The following XIRP2 variants were observed in gnomAD, a reference collection of about 807,000 sequenced individuals.
The protein encoded by XIRP2 is xin actin-binding repeat-containing protein 2.
A neutral mutation model predicts 277.0 loss-of-function variants in XIRP2; 236 were observed. That is an observed-to-expected ratio of 0.85 (90% CI 0.77 to 0.95). The LOEUF is 0.95. Ranked by LOEUF, XIRP2 falls within the 40% of genes least tolerant of loss-of-function variation. The pLI, the probability that XIRP2 is intolerant of heterozygous loss-of-function variation, is 0.00. For missense variants in XIRP2, 4,640 were observed against 4,157.5 expected (o/e 1.12, Z -3.19); for synonymous variants, 1,490 against 1,416.5 (o/e 1.05, Z -1.17).
intron 2 of XIRP2, among the ~76,000 whole-genome samples, chr2:167,025,501 T>G (rs560456756): frequency 2.0e-5 from 3 of 151,876 alleles, no homozygotes; most frequent in East Asian, 1.9e-4. Context: ...TGCTAGCTTT[T>G]GAATGTGTTT....
At chr2:167,101,703 A>G (rs1033116689) in intron 2 of XIRP2, among the ~76,000 whole-genome samples, 2 of 152,170 alleles carry the variant, frequency 1.3e-5, no homozygotes, top group Non-Finnish European at 2.9e-5. Flanking sequence ...TGCTTTGGCT[A>G]TGAGTGCAAA....
In XIRP2 at chr2:167,247,710, G is replaced by C. The variant is rs369948290; in HGVS notation, c.6318G>C (p.Lys2106Asn). 1 of 1,613,642 alleles carries C rather than the reference G, an allele frequency of 6.2e-7. No homozygotes were observed. The change falls in exon 9 of 11, where the codon AAG (lysine) becomes AAC (asparagine). Residue 2106 changes from lysine (K) to asparagine (N), a missense_variant. By Grantham distance (94) the Lys-to-Asn change is moderately conservative. Coordinates refer to ENST00000409195, the MANE Select transcript of XIRP2 (RefSeq NM_152381.6). ...CAGACAGGGCAGTGAGAGAGCTGAA[G>C]AAGGATGATGTCTTTAATTCCATCC... ...KESDRAVREL[K>N]KDDVFNSIQS...
chr2:167,140,814 T>G (rs1691696890), intron 3 of XIRP2: 1 of 152,206 alleles, frequency 6.6e-6, no homozygotes, highest in Non-Finnish European at 1.5e-5. Context: ...AATTAAGTGT[T>G]TCTCTTTCTT....
At chr2:166,935,863 C>G (rs1685481714) in intron 2 of XIRP2, among the ~76,000 whole-genome samples, 1 of 152,144 alleles carries the variant, frequency 6.6e-6, no homozygotes, top group South Asian at 2.1e-4. Flanking sequence ...AATAGTGCCG[C>G]AATAAACATA....
rs1381463470 is a variant in XIRP2, at chr2:167,246,363, T to C, written c.4971T>C (p.Gly1657=). The part of the protein sequence containing the change: ...FHAEKEEIVK[G]DVQQAIKNLF... ...CTGAAAAAGAAGAGATAGTGAAAGG[T>C]GATGTACAACAAGCAATAAAAAACC... The change falls in exon 9 of 11, where the codon GGT becomes GGC. Residue 1657 remains glycine, a synonymous_variant. Transcript: ENST00000409195. The C allele has an allele frequency of 2.5e-6, 4 of 1,612,998 alleles. No individual in the cohort carries two copies. The highest frequency in any genetic ancestry group is 3.4e-6 in the Non-Finnish European group (4 of 1,179,644).
chr2:167,224,958 T>G (rs1268603823), intron 5 of XIRP2, among the ~76,000 whole-genome samples: 1 of 152,162 alleles, frequency 6.6e-6, no homozygotes, highest in Non-Finnish European at 1.5e-5. Context: ...CATATGTCAT[T>G]GTGGAGTAAT....
intron 2 of XIRP2, among the ~76,000 whole-genome samples, chr2:167,106,938 T>C (rs954587886): frequency 2.0e-5 from 3 of 151,148 alleles, no homozygotes; most frequent in Non-Finnish European, 4.4e-5. Flanking sequence ...TAAATGATAT[T>C]GTATTATTAA....
At chr2:167,214,649 C>T (rs540383593) in intron 4 of XIRP2, among the ~76,000 whole-genome samples, 121 of 152,166 alleles carry the variant, frequency 8.0e-4, no homozygotes, top group African/African-American at 2.8e-3. Flanking sequence ...TCACTGCAAC[C>T]TCTGCCTCCT....
chr2:167,259,365 A>T lies in XIRP2; in HGVS notation c.*1548A>T. 6.3e-7 allele frequency: 1 copy of T among 1,596,688 alleles called. No individual in the cohort carries two copies. On this transcript the variant is annotated 3_prime_UTR_variant, in exon 11 of 11. Coordinates refer to ENST00000409195, the MANE Select transcript of XIRP2 (RefSeq NM_152381.6). ...AGGTGCTACAGTGACACTGAGTAAA[A>T]TATCTATGGCCACTGACAGTCCACA...
At chr2:166,940,780 T>C (rs543290729) in intron 2 of XIRP2, among the ~76,000 whole-genome samples, 1 of 152,242 alleles carries the variant, frequency 6.6e-6, no homozygotes, top group South Asian at 2.1e-4. Flanking sequence ...GAACAGCAAA[T>C]GTTGCTGCCT....
chr2:166,933,083 CACAT>C (rs1446626609), intron 2 of XIRP2, among the ~76,000 whole-genome samples: 6 of 151,802 alleles, frequency 4.0e-5, no homozygotes, highest in African/African-American at 1.2e-4. Context: ...CACACACACA[CACAT>C]ACACACACAC....
chr2:167,174,243 C>A (rs1252284067), intron 3 of XIRP2, among the ~76,000 whole-genome samples: 1 of 152,082 alleles, frequency 6.6e-6, no homozygotes, highest in Non-Finnish European at 1.5e-5. Context: ...CTGTCTGGTC[C>A]TGGGCTTGTT....
rs1695742484 is a variant in XIRP2 at position 167,258,720 on chromosome 2, C to T, written c.*903C>T. On this transcript the variant is annotated 3_prime_UTR_variant, in exon 11 of 11. Coordinates refer to ENST00000409195, the MANE Select transcript of XIRP2 (RefSeq NM_152381.6). ...TATCTGAATAATTGCAGGCAGAAGACATCTATTTTAGAATTTCTTGATCTA... is the reference window on the plus strand; with the variant it reads ...TATCTGAATAATTGCAGGCAGAAGATATCTATTTTAGAATTTCTTGATCTA... 3 of 1,613,210 alleles carry T rather than the reference C, an allele frequency of 1.9e-6. No individual in the cohort carries two copies. Among genetic ancestry groups the T allele is most frequent in the African/African-American group, 2.7e-5 (2 of 74,966 alleles).
intron 2 of XIRP2, among the ~76,000 whole-genome samples, chr2:166,913,444 A>T (rs566510086): frequency 6.6e-6 from 1 of 152,268 alleles, no homozygotes; most frequent in Non-Finnish European, 1.5e-5. Flanking sequence ...CCATTTGCTC[A>T]GCTGGAAATG....
In XIRP2 at chr2:167,195,591, G is replaced by A. The variant is rs200207811; in HGVS notation, c.563-15144G>A. 9.5e-4 allele frequency among the ~76,000 whole-genome samples: 144 copies of A among 152,270 alleles called. 2 individuals carry two copies. Among genetic ancestry groups the A allele is most frequent in the African/African-American group, 3.2e-3 (134 of 41,546 alleles). On this transcript the variant is annotated intron_variant, in intron 3 of 10. Coordinates refer to ENST00000409195, the MANE Select transcript of XIRP2 (RefSeq NM_152381.6). ...GATGGAAGAACTCTCACTCAGGAGCGAGGCACTGGAAGATGGGTCTGTGAA... is the reference window on the plus strand; with the variant it reads ...GATGGAAGAACTCTCACTCAGGAGCAAGGCACTGGAAGATGGGTCTGTGAA...
chr2:167,212,552 A>C (rs1303660016), intron 4 of XIRP2, among the ~76,000 whole-genome samples: 2 of 152,242 alleles, frequency 1.3e-5, no homozygotes, highest in South Asian at 2.1e-4. Context: ...CTACATATAA[A>C]GAATTTAGTA....
chr2:167,112,400 C>T lies in XIRP2; in HGVS notation c.409-23509C>T, dbSNP rs949119546. ...TTCTAATGAATATCTTGATTTCTGC[C>T]TTAATTTTATTATTTACCCAAAAGT... On this transcript the variant is annotated intron_variant, in intron 2 of 10. Transcript: ENST00000409195. Among the ~76,000 whole-genome samples the T allele has an allele frequency of 5.9e-5, 9 of 151,754 alleles. No individual in the cohort carries two copies. The South Asian group carries it at 1.9e-3, about 32-fold the overall frequency.
intron 3 of XIRP2, among the ~76,000 whole-genome samples, chr2:167,184,337 A>C (rs2105359929): frequency 6.6e-6 from 1 of 152,282 alleles, no homozygotes; most frequent in East Asian, 1.9e-4. Context: ...TTGTTTGTTA[A>C]GTAGCATGAA....
At chr2:166,934,989 C>T (rs1685452867) in intron 2 of XIRP2, among the ~76,000 whole-genome samples, 1 of 151,806 alleles carries the variant, frequency 6.6e-6, no homozygotes, top group South Asian at 2.1e-4. Flanking sequence ...TGAGATTGTG[C>T]CAGTGCTCTC....
Sources: allele counts gnomAD v4.1 joint callset (sites outside exome capture counted in the v4.1 genomes callset), GRCh38; gene constraint gnomAD v4.1.1; transcripts MANE v1.5; gene names NCBI Gene and HGNC (gene_info 2026-07-23, HGNC 2026-07-21).